Variants in BICC1 observed in about 807,000 individuals in gnomAD.
BICC1 encodes protein bicaudal C homolog 1.
Under a neutral mutation model 111.0 loss-of-function variants are expected in BICC1, and 43 were observed. The ratio of observed to expected loss-of-function variants is 0.39; its 90% confidence interval spans 0.30 to 0.50. BICC1 has a LOEUF of 0.50. Among genes scored for constraint, BICC1 ranks in the 20% least tolerant of loss-of-function variants. The pLI is 0.88. For missense variants in BICC1, 1,091 were observed against 1,203.2 expected (o/e 0.91, Z 1.38); for synonymous variants, 467 against 434.4 (o/e 1.07, Z -0.93).
intron 17 of BICC1, among the ~76,000 whole-genome samples, chr10:58,809,080 T>C (rs1477691576): frequency 6.6e-6 from 1 of 152,152 alleles, no homozygotes; most frequent in Admixed American, 6.5e-5. Context: ...TGGAGTGCAA[T>C]GGCAGGATCT....
At chr10:58,773,972 T>C (rs1025276621) in intron 3 of BICC1, among the ~76,000 whole-genome samples, 1 of 152,232 alleles carries the variant, frequency 6.6e-6, no homozygotes. Flanking sequence ...GTCCTTTTTT[T>C]CCATTTATTC....
At chr10:58,717,568 G>A (rs1400825122) in intron 3 of BICC1, among the ~76,000 whole-genome samples, 1 of 152,120 alleles carries the variant, frequency 6.6e-6, no homozygotes, top group Non-Finnish European at 1.5e-5. Flanking sequence ...ATATAAGCAC[G>A]TAAACAGTAA....
intron 2 of BICC1, among the ~76,000 whole-genome samples, chr10:58,698,044 A>G (rs1385597212): frequency 3.3e-5 from 5 of 152,188 alleles, no homozygotes; most frequent in African/African-American, 1.2e-4. Flanking sequence ...ATTGTAGATG[A>G]TGGTTTTAAA....
chr10:58,690,301 C>A (rs1389979567), intron 2 of BICC1, among the ~76,000 whole-genome samples: 1 of 152,052 alleles, frequency 6.6e-6, no homozygotes, highest in Non-Finnish European at 1.5e-5. Context: ...GAAAGAGATA[C>A]ATTTTTCTTA....
In BICC1 at chr10:58,513,123, C is replaced by A; in HGVS notation, c.-21C>A. On this transcript the variant is annotated 5_prime_UTR_variant, in exon 1 of 21. Coordinates refer to ENST00000373886, the MANE Select transcript of BICC1 (RefSeq NM_001080512.3). ...GGCAGAGCGGCGGCGGCAGCGGGAGCCCGAGCGCTGCGCGCCCACCATGGC... is the reference window on the plus strand; with the variant it reads ...GGCAGAGCGGCGGCGGCAGCGGGAGACCGAGCGCTGCGCGCCCACCATGGC... The A allele has an allele frequency of 7.0e-7, 1 of 1,427,022 alleles. No individual in the cohort carries two copies. Among genetic ancestry groups the A allele is most frequent in the Non-Finnish European group, 9.1e-7 (1 of 1,093,992 alleles). The allele number at this position is 1,427,022 out of a possible 1,614,324, so 88.4% of individuals were successfully genotyped here.
At chr10:58,592,484 A>G (rs1005280932) in intron 1 of BICC1, among the ~76,000 whole-genome samples, 7 of 152,058 alleles carry the variant, frequency 4.6e-5, no homozygotes, top group Non-Finnish European at 7.4e-5. Context: ...AGGCCGAGGC[A>G]GGCGGATCAC....
At chr10:58,661,380 T>G (rs921469890) in intron 2 of BICC1, among the ~76,000 whole-genome samples, 3 of 151,970 alleles carry the variant, frequency 2.0e-5, no homozygotes, top group Non-Finnish European at 4.4e-5. Flanking sequence ...CCCACCTCCT[T>G]TAGGAAAACT....
At chr10:58,542,989 C>T (rs1843036091) in intron 1 of BICC1, among the ~76,000 whole-genome samples, 1 of 151,998 alleles carries the variant, frequency 6.6e-6, no homozygotes, top group Non-Finnish European at 1.5e-5. Flanking sequence ...ACCAAAATTA[C>T]CGTATAATTC....
In BICC1 at chr10:58,659,128, C is replaced by A. The variant is rs1838758275; in HGVS notation, c.237+38227C>A. On this transcript the variant is annotated intron_variant, in intron 2 of 20. Transcript: ENST00000373886. ...GTAAGGTTGTTGAAAAAAGGGAACG[C>A]TTATACACTGCTGGTGAGAATGTAA... Among the ~76,000 whole-genome samples, 4 of 152,208 alleles carry A rather than the reference C, an allele frequency of 2.6e-5. No homozygotes were observed. The South Asian group carries it at 8.3e-4, about 32-fold the overall frequency.
chr10:58,512,992 G>A lies in BICC1; in HGVS notation c.-152G>A. Reference sequence around the variant, plus strand: ...GGCTGGGATGCGCCGGGGGCTCAGTGGCGGCGGCGGCGTTGGCGGTGGCGT... The same window carrying A: ...GGCTGGGATGCGCCGGGGGCTCAGTAGCGGCGGCGGCGTTGGCGGTGGCGT... On this transcript the variant is annotated 5_prime_UTR_variant, in exon 1 of 21. Coordinates refer to ENST00000373886, the MANE Select transcript of BICC1 (RefSeq NM_001080512.3). The A allele has an allele frequency of 2.7e-6, 1 of 373,364 alleles. No individual in the cohort carries two copies. Among genetic ancestry groups the A allele is most frequent in the Non-Finnish European group, 3.9e-6 (1 of 255,744 alleles). 23.1% of individuals were successfully genotyped at this position (373,364 alleles called of 1,614,324 possible).
intron 20 of BICC1, 138 bp from the exon 21 acceptor site, chr10:58,828,623 A>G (rs1379367356): frequency 1.3e-6 from 1 of 797,110 alleles, no homozygotes; most frequent in Non-Finnish European, 1.9e-6. Context: ...CATCAACTAA[A>G]AGTTTTCCTT....
intron 2 of BICC1, among the ~76,000 whole-genome samples, chr10:58,643,689 G>A (rs1838186501): frequency 6.6e-6 from 1 of 152,120 alleles, no homozygotes; most frequent in Admixed American, 6.5e-5. Context: ...TTGAGAGGAG[G>A]AACAATAAGA....
chr10:58,773,807 G>A (rs1000568804), intron 3 of BICC1, among the ~76,000 whole-genome samples: 3 of 152,184 alleles, frequency 2.0e-5, no homozygotes, highest in African/African-American at 7.2e-5. Flanking sequence ...TGTTACGAGG[G>A]TACTGTTCTG....
intron 1 of BICC1, among the ~76,000 whole-genome samples, chr10:58,583,530 G>T (rs563178630): frequency 1.2e-4 from 18 of 151,350 alleles, no homozygotes; most frequent in African/African-American, 4.4e-4. Context: ...CATCTAGGTT[G>T]CTGCTAATGC....
chr10:58,706,668 C>G (rs1050925312), intron 3 of BICC1, among the ~76,000 whole-genome samples: 1 of 152,138 alleles, frequency 6.6e-6, no homozygotes, highest in African/African-American at 2.4e-5. Flanking sequence ...TGAATGAGTT[C>G]TCACAAGATC....
intron 1 of BICC1, among the ~76,000 whole-genome samples, chr10:58,568,750 C>G (rs866543994): frequency 5.3e-5 from 8 of 152,160 alleles, no homozygotes; most frequent in Admixed American, 2.0e-4. Flanking sequence ...TGCTCCACTC[C>G]CTTCTCCCCC....
chr10:58,773,947 C>A (rs1402497794), intron 3 of BICC1, among the ~76,000 whole-genome samples: 1 of 152,166 alleles, frequency 6.6e-6, no homozygotes, highest in Non-Finnish European at 1.5e-5. Flanking sequence ...GCAGTATACC[C>A]CCACTACCCA....
At chr10:58,708,002 A>ATTTTTC (rs1840444674) in intron 3 of BICC1, among the ~76,000 whole-genome samples, 1 of 108,364 alleles carries the variant, frequency 9.2e-6, no homozygotes, top group South Asian at 3.2e-4. Flanking sequence ...TAGCCAGCTA[A>ATTTTTC]TTTTTTTTTT....
chr10:58,715,443 A>G (rs1840709355), intron 3 of BICC1: 1 of 659,494 alleles, frequency 1.5e-6, no homozygotes, highest in East Asian at 2.7e-5. Context: ...CTTCTTAAAA[A>G]ATAAGCAGAG....
Sources: allele counts gnomAD v4.1 joint callset (sites outside exome capture counted in the v4.1 genomes callset), GRCh38; gene constraint gnomAD v4.1.1; transcripts MANE v1.5; gene names NCBI Gene and HGNC (gene_info 2026-07-23, HGNC 2026-07-21).